Variants in SPOP observed in about 807,000 individuals in gnomAD.
SPOP encodes the protein speckle-type POZ protein.
A neutral mutation model predicts 45.6 loss-of-function variants in SPOP; 11 were observed. The ratio of observed to expected loss-of-function variants is 0.24; its 90% CI spans 0.15 to 0.40. The LOEUF (loss-of-function observed/expected upper bound fraction) is 0.40. Ranked by LOEUF, SPOP falls within the 10% of genes least tolerant of loss-of-function variation. The pLI, the probability that SPOP is intolerant of heterozygous loss-of-function variation, is 1.00. For synonymous variants in SPOP, 166 were observed against 166.3 expected, an observed-to-expected ratio of 1.00 and a Z score of 0.01; for missense variants, 152 against 465.6, an observed-to-expected ratio of 0.33 and a Z score of 6.20.
At chr17:49,649,606 GCA>G (rs2072813333) in intron 1 of SPOP, among the ~76,000 whole-genome samples, 1 of 151,728 alleles carries the variant, frequency 6.6e-6, no homozygotes, top group Non-Finnish European at 1.5e-5. Context: ...GCCGAGGCGG[GCA>G]GATCAAGAGG....
chr17:49,673,415 A>C (rs941895781), intron 1 of SPOP, among the ~76,000 whole-genome samples: 5 of 151,878 alleles, frequency 3.3e-5, no homozygotes, highest in Admixed American at 6.6e-5. Flanking sequence ...CTGAGGCAGG[A>C]GAATGGCATG....
At position 49,600,205 on chromosome 17, in the gene SPOP, C is replaced by T. The variant is rs1034543475; in HGVS notation, c.*173G>A. 12 of 839,132 alleles carry T rather than the reference C, an allele frequency of 1.4e-5. No homozygotes were observed. Among genetic ancestry groups the T allele is most frequent in the East Asian group, 4.9e-5 (2 of 40,604 alleles). 52.0% of individuals were successfully genotyped at this position (839,132 alleles called of 1,614,324 possible). A position where few individuals can be genotyped will look rare whatever the true frequency, so the allele number is the denominator to read the frequency against. On this transcript the variant is annotated 3_prime_UTR_variant, in exon 10 of 10. Transcript: ENST00000504102. This position sits in a 1 kb window ranked among gnomAD's most constrained non-coding sequence, Gnocchi z 4.2. ...GTTTTCATTTCATTTTCCCTCCCCC[C>T]GTTTCCCCCAAGTTATTTAGTGCTG... is the stretch of plus-strand genomic sequence containing the variant.
intron 1 of SPOP, among the ~76,000 whole-genome samples, chr17:49,648,975 T>A (rs1476275281): frequency 1.3e-5 from 2 of 152,016 alleles, no homozygotes; most frequent in Non-Finnish European, 2.9e-5. Context: ...GCCAGGATGG[T>A]CTTGATCTCC....
chr17:49,623,532 TA>T (rs2072262789), intron 1 of SPOP, among the ~76,000 whole-genome samples: 1 of 152,302 alleles, frequency 6.6e-6, no homozygotes, highest in African/African-American at 2.4e-5. Flanking sequence ...TCCTTTGGGG[TA>T]AAAATACTCT....
rs936235920 is a variant in SPOP at position 49,602,164 on chromosome 17, C to A, written c.838-157G>T. 4 of 785,834 alleles carry A rather than the reference C, an allele frequency of 5.1e-6. No individual in the cohort carries two copies. In the African/African-American group the frequency reaches 7.0e-5, roughly 14 times the overall value. 48.7% of individuals were successfully genotyped at this position (785,834 alleles called of 1,614,324 possible). A position where few individuals can be genotyped will look rare whatever the true frequency, so the allele number is the denominator to read the frequency against. ...TACTACTGCAATGATAAAACATAAC[C>A]ATTTCTGAAGGTTAGATGTTTAAGC... On this transcript the variant is annotated intron_variant, in intron 8 of 9. Coordinates refer to ENST00000504102, the MANE Select transcript of SPOP (RefSeq NM_001007228.2).
At position 49,599,815 on chromosome 17, in the gene SPOP, G is replaced by C. The variant is rs997572826; in HGVS notation, c.*563C>G. ...TGCAAACAATAAGTGCTAACAACAA[G>C]AGAGCTCTTCTGATGCTTGTATGGT... On this transcript the variant is annotated 3_prime_UTR_variant, in exon 10 of 10. Transcript: ENST00000504102. 2 of 211,128 alleles carry C rather than the reference G, an allele frequency of 9.5e-6. No homozygotes were observed. The highest frequency in any genetic ancestry group is 1.9e-5 in the Non-Finnish European group (2 of 103,900). 13.1% of individuals were successfully genotyped at this position (211,128 alleles called of 1,614,324 possible). A position where few individuals can be genotyped will look rare whatever the true frequency, so the allele number is the denominator to read the frequency against.
Position 49,607,116 on chromosome 17 carries a change from T to C in SPOP, c.837+134A>G, listed in dbSNP as rs1346048030. 4 of 1,067,158 alleles carry C rather than the reference T, an allele frequency of 3.7e-6. No homozygotes were observed. The Admixed American group carries it at 6.5e-5, about 17-fold the overall frequency. The allele number at this position is 1,067,158 out of a possible 1,614,324, so 66.1% of individuals were successfully genotyped here. A position where few individuals can be genotyped will look rare whatever the true frequency, so the allele number is the denominator to read the frequency against. ...TTAATAATTGTGTTGGAATAATATG[T>C]GTAAACCAGGACCGTCTTGGCCAAA... is the stretch of plus-strand genomic sequence containing the variant. On this transcript the variant is annotated intron_variant, in intron 8 of 9. Transcript: ENST00000504102.
At chr17:49,627,963 G>C (rs1338429109) in intron 1 of SPOP, among the ~76,000 whole-genome samples, 1 of 152,142 alleles carries the variant, frequency 6.6e-6, no homozygotes, top group East Asian at 1.9e-4. Context: ...CTCATAGCAG[G>C]AACCATGGGC....
At chr17:49,603,126 T>C (rs1012791526) in intron 8 of SPOP, among the ~76,000 whole-genome samples, 1 of 152,214 alleles carries the variant, frequency 6.6e-6, no homozygotes, top group African/African-American at 2.4e-5. Context: ...TTAATTGTTA[T>C]GAATTCTGGG....
intron 1 of SPOP, among the ~76,000 whole-genome samples, chr17:49,665,661 C>A (rs1427693680): frequency 1.0e-5 from 1 of 98,106 alleles, no homozygotes. Flanking sequence ...CACACACACA[C>A]ACACACACAC....
At chr17:49,603,270 GA>G (rs2071773729) in intron 8 of SPOP, among the ~76,000 whole-genome samples, 1 of 152,330 alleles carries the variant, frequency 6.6e-6, no homozygotes, top group African/African-American at 2.4e-5. Context: ...AATAACATTA[GA>G]TAAGCAAGAA....
At chr17:49,670,338 G>A (rs1018873388) in intron 1 of SPOP, among the ~76,000 whole-genome samples, 1 of 152,168 alleles carries the variant, frequency 6.6e-6, no homozygotes, top group African/African-American at 2.4e-5. Flanking sequence ...GATTCACTAT[G>A]CCTGAAAACA....
chr17:49,612,553 TA>T (rs2071996409), intron 5 of SPOP, among the ~76,000 whole-genome samples: 2 of 152,180 alleles, frequency 1.3e-5, no homozygotes, highest in African/African-American at 2.4e-5. Flanking sequence ...TCAGCCTAGG[TA>T]AAAAACCAAG....
chr17:49,607,994 T>A lies in SPOP; in HGVS notation c.659-65A>T, dbSNP rs534957116. 3.9e-4 allele frequency: 584 copies of A among 1,488,648 alleles called. 7 individuals are homozygous for A. In the South Asian group the frequency reaches 6.3e-3, roughly 16 times the overall value. 92.2% of individuals were successfully genotyped at this position (1,488,648 alleles called of 1,614,324 possible). A position where few individuals can be genotyped will look rare whatever the true frequency, so the allele number is the denominator to read the frequency against. On this transcript the variant is annotated intron_variant, in intron 6 of 9. Coordinates refer to ENST00000504102, the MANE Select transcript of SPOP (RefSeq NM_001007228.2). ...AGTGAAATCTCTTGGTTGTTGCCAG[T>A]CATGAGGGAGAGATCATTTTCTAAC...
Position 49,622,863 on chromosome 17 carries a change from G to T in SPOP, c.-53C>A. 7.0e-7 allele frequency: 1 copy of T among 1,433,622 alleles called. No homozygotes were observed. The highest frequency in any genetic ancestry group is 9.8e-7 in the Non-Finnish European group (1 of 1,015,318). 88.8% of individuals were successfully genotyped at this position (1,433,622 alleles called of 1,614,324 possible). Reference sequence around the variant, plus strand: ...CCAAAGTCAGGGGGCAAAGATTTCTGTTCCCTCTTCACCCTGGTCAGATCC... The same window carrying T: ...CCAAAGTCAGGGGGCAAAGATTTCTTTTCCCTCTTCACCCTGGTCAGATCC... On this transcript the variant is annotated 5_prime_UTR_variant, in exon 2 of 10. Transcript: ENST00000504102.
chr17:49,659,530 G>A (rs2072959147), intron 1 of SPOP, among the ~76,000 whole-genome samples: 1 of 152,094 alleles, frequency 6.6e-6, no homozygotes, highest in Non-Finnish European at 1.5e-5. Context: ...TTTTTCTAGA[G>A]CCACTGACAC....
At chr17:49,614,474 T>C (rs1236515149) in intron 5 of SPOP, among the ~76,000 whole-genome samples, 1 of 152,186 alleles carries the variant, frequency 6.6e-6, no homozygotes, top group African/African-American at 2.4e-5. Context: ...AAGTGCATGA[T>C]AACATAAAAT....
At chr17:49,643,377 G>T (rs1345857268) in intron 1 of SPOP, among the ~76,000 whole-genome samples, 1 of 152,088 alleles carries the variant, frequency 6.6e-6, no homozygotes, top group South Asian at 2.1e-4. Flanking sequence ...GTGGATTAAA[G>T]ACTCCAGAAA....
intron 8 of SPOP, among the ~76,000 whole-genome samples, chr17:49,603,077 C>T (rs1178612871): frequency 1.3e-5 from 2 of 152,188 alleles, no homozygotes; most frequent in African/African-American, 4.8e-5. Flanking sequence ...TGACACAATG[C>T]CCCTTCAGGG....
Sources: allele counts gnomAD v4.1 joint callset (sites outside exome capture counted in the v4.1 genomes callset), GRCh38; gene constraint gnomAD v4.1.1; non-coding constraint Gnocchi (gnomAD v3.1); transcripts MANE v1.5; gene names NCBI Gene and HGNC (gene_info 2026-07-23, HGNC 2026-07-21).